SRGAP3: variants seen among roughly 807,000 people sequenced by gnomAD.
SRGAP3 encodes SLIT-ROBO Rho GTPase-activating protein 3.
In SRGAP3, 39 loss-of-function variants were observed where a neutral mutation model predicts 121.1. The ratio of observed to expected loss-of-function variants is 0.32; its 90% confidence interval spans 0.25 to 0.42. The LOEUF is 0.42. Ranked by LOEUF, SRGAP3 falls within the 10% of genes least tolerant of loss-of-function variation. The probability of loss-of-function intolerance (pLI) is 1.00; values close to 1 mark genes in which losing one functional copy is unlikely to be tolerated. For missense variants in SRGAP3, 1,213 were observed against 1,470.6 expected (o/e 0.82, Z 2.86); for synonymous variants, 601 against 570.0 (o/e 1.05, Z -0.77).
chr3:9,050,748 A>G lies in SRGAP3; in HGVS notation c.1323+2279T>C, dbSNP rs375235028. ...CCAAAGTGAATTAATCTTCATGTGC[A>G]TGTTGTAACCACAAATTCTCTTTGT... is the stretch of plus-strand genomic sequence containing the variant. On this transcript the variant is annotated intron_variant, in intron 9 of 21. Transcript: ENST00000383836. 5.3e-5 allele frequency among the ~76,000 whole-genome samples: 8 copies of G among 152,346 alleles called. No homozygotes were observed. In the East Asian group the frequency reaches 1.3e-3, roughly 26 times the overall value.
chr3:9,081,241 C>G (rs772681009), intron 3 of SRGAP3: 2 of 456,698 alleles, frequency 4.4e-6, no homozygotes, highest in East Asian at 1.4e-4. Context: ...CCTGGTCTGC[C>G]TAATCTCATC....
rs559731324 is a variant in SRGAP3, at chr3:9,040,993, CAAAGTATA to C, written c.1409-2911_1409-2904del. Among the ~76,000 whole-genome samples the C allele has an allele frequency of 1.2e-4, 19 of 152,300 alleles. No homozygotes were observed. The East Asian group carries it at 3.7e-3, about 29-fold the overall frequency. Reference sequence around the variant, plus strand: ...CCAAGGTCTTGGGCAGTGTTTGGCACAAAGTATATGCTCAACAAATATTTGTAGAATGA... The same window carrying C: ...CCAAGGTCTTGGGCAGTGTTTGGCACTGCTCAACAAATATTTGTAGAATGA... On this transcript the variant is annotated intron_variant, in intron 10 of 21. Coordinates refer to ENST00000383836, the MANE Select transcript of SRGAP3 (RefSeq NM_014850.4).
intron 3 of SRGAP3, among the ~76,000 whole-genome samples, chr3:9,270,911 G>A (rs1455897783): frequency 6.6e-6 from 1 of 152,112 alleles, no homozygotes; most frequent in Non-Finnish European, 1.5e-5. Flanking sequence ...GAAGACAAAA[G>A]CAGAAGACTG....
intron 3 of SRGAP3, among the ~76,000 whole-genome samples, chr3:9,087,312 T>C (rs1345099187): frequency 2.6e-5 from 4 of 151,336 alleles, no homozygotes; most frequent in East Asian, 2.0e-4. Context: ...CCCGGGGAAA[T>C]AGCAGTACAG....
chr3:9,044,742 C>T (rs901475585), intron 10 of SRGAP3, among the ~76,000 whole-genome samples: 19 of 152,162 alleles, frequency 1.2e-4, no homozygotes, highest in Non-Finnish European at 2.1e-4. Context: ...AGAACCAAAA[C>T]GCTCAGGAAA....
intron 3 of SRGAP3, among the ~76,000 whole-genome samples, chr3:9,307,264 G>A (rs1403471678): frequency 6.6e-6 from 1 of 152,156 alleles, no homozygotes; most frequent in East Asian, 1.9e-4. Flanking sequence ...ATGAGCCACT[G>A]TGCCCAGCCC....
chr3:9,149,652 G>T (rs1420280064), intron 1 of SRGAP3, among the ~76,000 whole-genome samples: 1 of 152,162 alleles, frequency 6.6e-6, no homozygotes, highest in Non-Finnish European at 1.5e-5. Context: ...GGAGGGTGAG[G>T]GAAAAAGCAG....
chr3:9,178,402 C>A (rs1468366376), intron 1 of SRGAP3, among the ~76,000 whole-genome samples: 6 of 152,210 alleles, frequency 3.9e-5, no homozygotes, highest in Admixed American at 6.5e-5. Flanking sequence ...AAGAGACAGA[C>A]CCCTGATGGT....
intron 3 of SRGAP3, among the ~76,000 whole-genome samples, chr3:9,260,903 G>A (rs35324393): frequency 0.28 from 42,727 of 152,108 alleles, 6,900 homozygotes; most frequent in Non-Finnish European, 0.36. Context: ...GCCTCCTGAC[G>A]GGGAGACACC....
chr3:9,318,148 C>T (rs1478143744), intron 3 of SRGAP3, among the ~76,000 whole-genome samples: 2 of 152,080 alleles, frequency 1.3e-5, no homozygotes, highest in Non-Finnish European at 2.9e-5. Flanking sequence ...GTGGTGCATT[C>T]TGGTCCTTGC....
At chr3:9,051,017 CTTTTTTTTT>C (rs71049766) in intron 9 of SRGAP3, among the ~76,000 whole-genome samples, 16 of 81,830 alleles carry the variant, frequency 2.0e-4, no homozygotes, top group Non-Finnish European at 3.3e-4. Flanking sequence ...AGCCTCATTG[CTTTTTTTTT>C]TTTTTTTTTT....
intron 6 of SRGAP3, chr3:9,059,964 G>A: frequency 2.2e-6 from 1 of 464,064 alleles, no homozygotes; most frequent in Non-Finnish European, 4.0e-6. Flanking sequence ...GGGTACTTGG[G>A]AAGTTGCCAT....
Position 9,025,448 on chromosome 3 carries a change from G to A in SRGAP3, c.1601-110C>T, listed in dbSNP as rs911606788. 128 of 1,216,454 alleles carry A rather than the reference G, an allele frequency of 1.1e-4. 1 individual carries two copies. Among genetic ancestry groups the A allele is most frequent in the Admixed American group, 7.3e-4 (40 of 55,136 alleles). The allele number at this position is 1,216,454 out of a possible 1,614,324, so 75.4% of individuals were successfully genotyped here. A position where few individuals can be genotyped will look rare whatever the true frequency, so the allele number is the denominator to read the frequency against. On this transcript the variant is annotated intron_variant, in intron 13 of 21. Coordinates refer to ENST00000383836, the MANE Select transcript of SRGAP3 (RefSeq NM_014850.4). Reference sequence around the variant, plus strand: ...CCCATTGCTTGTCTCTTTCTCCCCCGATCCTTTATAACAGAGTCGTTCCCT... The same window carrying A: ...CCCATTGCTTGTCTCTTTCTCCCCCAATCCTTTATAACAGAGTCGTTCCCT...
intron 1 of SRGAP3, among the ~76,000 whole-genome samples, chr3:9,356,183 CT>C (rs916919134): frequency 2.9e-5 from 4 of 136,736 alleles, no homozygotes; most frequent in Non-Finnish European, 4.6e-5. Context: ...GTTTATGGGA[CT>C]TTTTTTTCTT....
chr3:9,181,591 C>T (rs1374793262), intron 1 of SRGAP3, among the ~76,000 whole-genome samples: 1 of 152,216 alleles, frequency 6.6e-6, no homozygotes, highest in Non-Finnish European at 1.5e-5. Flanking sequence ...GGGATGCCCT[C>T]TGCTCCTCAG....
Position 8,982,352 on chromosome 3 carries a change from A to G in SRGAP3, c.*3167T>C. 1 of 226,282 alleles carries G rather than the reference A, an allele frequency of 4.4e-6. No individual in the cohort carries two copies. Among genetic ancestry groups the G allele is most frequent in the Non-Finnish European group, 8.8e-6 (1 of 113,414 alleles). 14.0% of individuals were successfully genotyped at this position (226,282 alleles called of 1,614,324 possible). ...CTTTCAATAATGGTGATGAACAAGT[A>G]GGTAAACACCACTTCCCCTTGTACA... On this transcript the variant is annotated 3_prime_UTR_variant, in exon 22 of 22. Coordinates refer to ENST00000383836, the MANE Select transcript of SRGAP3 (RefSeq NM_014850.4).
intron 1 of SRGAP3, among the ~76,000 whole-genome samples, chr3:9,237,557 G>A (rs564571696): frequency 5.3e-5 from 8 of 152,344 alleles, no homozygotes; most frequent in Admixed American, 2.0e-4. Context: ...TTAGTCTGCA[G>A]GTGGCATGCA....
chr3:9,021,784 T>C (rs1943935190), intron 14 of SRGAP3, among the ~76,000 whole-genome samples: 1 of 152,200 alleles, frequency 6.6e-6, no homozygotes, highest in African/African-American at 2.4e-5. Flanking sequence ...TTAGAGGATT[T>C]AAATTTTAAA....
At position 9,047,321 on chromosome 3, in the gene SRGAP3, G is replaced by A. The variant is rs114082255; in HGVS notation, c.1408+70C>T. 543 of 1,514,694 alleles carry A rather than the reference G, an allele frequency of 3.6e-4. 2 individuals are homozygous for A. In the African/African-American group the frequency reaches 6.2e-3, roughly 17 times the overall value. The allele number at this position is 1,514,694 out of a possible 1,614,324, so 93.8% of individuals were successfully genotyped here. A position where few individuals can be genotyped will look rare whatever the true frequency, so the allele number is the denominator to read the frequency against. Reference sequence around the variant, plus strand: ...GTCTCAAGCCTGAACAGCTCAACACGTCAGGGGGCCACAGTGAGAGCCAGT... The same window carrying A: ...GTCTCAAGCCTGAACAGCTCAACACATCAGGGGGCCACAGTGAGAGCCAGT... On this transcript the variant is annotated intron_variant, in intron 10 of 21. Coordinates refer to ENST00000383836, the MANE Select transcript of SRGAP3 (RefSeq NM_014850.4).
Sources: gnomAD v4.1 joint callset for allele counts (sites outside exome capture counted in the v4.1 genomes callset) on GRCh38, gnomAD v4.1.1 for gene constraint, MANE v1.5 for transcripts, NCBI Gene and HGNC (gene_info 2026-07-23, HGNC 2026-07-21) for gene names.